The following RELN variants were observed in gnomAD, a reference collection of about 807,000 sequenced individuals.
RELN encodes the protein reelin.
In RELN, 108 loss-of-function variants were observed where a neutral mutation model predicts 427.6. The observed-to-expected ratio is 0.25, with a 90% confidence interval of 0.22 to 0.30. RELN has a LOEUF of 0.30. RELN is among the 10% of genes least tolerant of loss of function. The probability of loss-of-function intolerance (pLI) is 1.00; values close to 1 mark genes in which losing one functional copy is unlikely to be tolerated. For synonymous variants in RELN, 1,524 were observed against 1,513.4 expected (o/e 1.01, Z -0.16); for missense variants, 3,715 against 4,302.8 (o/e 0.86, Z 3.82).
rs544936325 is a variant in RELN at position 103,603,817 on chromosome 7, C to T, written c.3147-327G>A. Among the ~76,000 whole-genome samples, 206 of 152,106 alleles carry T rather than the reference C, an allele frequency of 1.4e-3. No individual in the cohort carries two copies. The highest frequency in any genetic ancestry group is 4.7e-3 in the African/African-American group (193 of 41,496). ...GAGGGATAGTGGGATTTCCCTATTG[C>T]CTTAAAAAATCACATATAAATGTCT... On this transcript the variant is annotated intron_variant, in intron 23 of 64. Transcript: ENST00000428762. The surrounding 1 kb of genome is among the most constrained non-coding windows in gnomAD (Gnocchi z 4.3).
chr7:103,812,751 T>C (rs1792774800), intron 3 of RELN, among the ~76,000 whole-genome samples: 1 of 152,238 alleles, frequency 6.6e-6, no homozygotes, highest in Non-Finnish European at 1.5e-5. Context: ...TATCTGATCC[T>C]CTATGCAGAA....
chr7:103,700,307 T>G (rs1437889404), intron 9 of RELN, among the ~76,000 whole-genome samples: 1 of 152,190 alleles, frequency 6.6e-6, no homozygotes, highest in Admixed American at 6.5e-5. Context: ...TCTAGCCAAA[T>G]CTTTTTAACA....
In RELN at chr7:103,753,234, A is replaced by G. The variant is rs1329902713; in HGVS notation, c.545-20T>C. On this transcript the variant is annotated intron_variant, in intron 4 of 64. Coordinates refer to ENST00000428762, the MANE Select transcript of RELN (RefSeq NM_005045.4). ...TTGGAGCTGAATCAAGAGAGGAAAGAAGAAAGACAACTGATCAGGAATGAA... is the reference window on the plus strand; with the variant it reads ...TTGGAGCTGAATCAAGAGAGGAAAGGAGAAAGACAACTGATCAGGAATGAA... The G allele has an allele frequency of 6.2e-7, 1 of 1,613,856 alleles. No individual in the cohort carries two copies.
At chr7:103,898,158 T>A (rs189900868) in intron 2 of RELN, among the ~76,000 whole-genome samples, 13 of 151,726 alleles carry the variant, frequency 8.6e-5, no homozygotes, top group Admixed American at 2.0e-4. Context: ...GGGTGTGTAG[T>A]TTTCTACAGT....
intron 11 of RELN, among the ~76,000 whole-genome samples, chr7:103,664,276 G>A (rs1049164173): frequency 2.0e-5 from 3 of 152,248 alleles, no homozygotes; most frequent in South Asian, 2.1e-4. Context: ...CTATATAAAA[G>A]GTCCTTGTGT....
chr7:103,882,644 C>G (rs1794634744), intron 2 of RELN, among the ~76,000 whole-genome samples: 1 of 151,934 alleles, frequency 6.6e-6, no homozygotes, highest in Non-Finnish European at 1.5e-5. Context: ...AAACTACCAT[C>G]AGAGAATACT....
chr7:103,725,624 A>C (rs1046367043), intron 7 of RELN, among the ~76,000 whole-genome samples: 9 of 152,192 alleles, frequency 5.9e-5, no homozygotes, highest in Non-Finnish European at 1.3e-4. Context: ...GGAGGGTAAC[A>C]TAACTCATTT....
At chr7:103,969,722 C>A (rs1395283659) in intron 1 of RELN, among the ~76,000 whole-genome samples, 1 of 152,202 alleles carries the variant, frequency 6.6e-6, no homozygotes, top group Non-Finnish European at 1.5e-5. Flanking sequence ...CAGGAAGTTT[C>A]TCCATGCATA....
Position 103,953,014 on chromosome 7 carries a change from C to T in RELN, c.227-35829G>A, listed in dbSNP as rs147885580. On this transcript the variant is annotated intron_variant, in intron 1 of 64. Transcript: ENST00000428762. The surrounding 1 kb of genome is among the most constrained non-coding windows in gnomAD (Gnocchi z 4.3). ...ATACTCCTCTATAATCTCATAGCCA[C>T]TACTGCATTCACCTCCCAATGTGCC... Among the ~76,000 whole-genome samples, 1,333 of 152,256 alleles carry T rather than the reference C, an allele frequency of 8.8e-3. 16 individuals are homozygous for T. Among genetic ancestry groups the T allele is most frequent in the African/African-American group, 0.031 (1,267 of 41,532 alleles).
At chr7:103,643,816 A>G (rs776617633) in intron 16 of RELN, among the ~76,000 whole-genome samples, 2 of 151,998 alleles carry the variant, frequency 1.3e-5, no homozygotes, top group African/African-American at 4.8e-5. Context: ...ATCATAGTAC[A>G]CAGTAGCCAC....
rs1438570375 is a variant in RELN, at chr7:103,968,639, A to C, written c.226+20492T>G. Reference sequence around the variant, plus strand: ...ATCTAACCATCTAGTAATTCTTTTCACTAAGCTATTTCTGCAACTTATTTG... The same window carrying C: ...ATCTAACCATCTAGTAATTCTTTTCCCTAAGCTATTTCTGCAACTTATTTG... On this transcript the variant is annotated intron_variant, in intron 1 of 64. Coordinates refer to ENST00000428762, the MANE Select transcript of RELN (RefSeq NM_005045.4). This position sits in a 1 kb window ranked among gnomAD's most constrained non-coding sequence, Gnocchi z 4.3. 3.9e-5 allele frequency among the ~76,000 whole-genome samples: 6 copies of C among 152,336 alleles called. 1 individual carries two copies. The East Asian group carries it at 1.2e-3, about 29-fold the overall frequency.
chr7:103,926,099 C>CTTTTTTTTTTTTTTTTTTTTT (rs55899563), intron 1 of RELN, among the ~76,000 whole-genome samples: 2 of 90,074 alleles, frequency 2.2e-5, no homozygotes, highest in African/African-American at 8.7e-5. Context: ...CCCACCCCGC[C>CTTTTTTTTTTTTTTTTTTTTT]TTTTTTTTTT....
At chr7:103,584,236 G>T (rs1054817083) in intron 28 of RELN, among the ~76,000 whole-genome samples, 5 of 152,150 alleles carry the variant, frequency 3.3e-5, no homozygotes, top group African/African-American at 1.2e-4. Context: ...TGAACGTAAT[G>T]GGCTAAATCC....
At chr7:103,976,671 C>G (rs1444647467) in intron 1 of RELN, among the ~76,000 whole-genome samples, 1 of 152,088 alleles carries the variant, frequency 6.6e-6, no homozygotes, top group African/African-American at 2.4e-5. Flanking sequence ...AGTGGAGATA[C>G]TGGGTGGGCA....
chr7:103,502,462 T>A (rs528595353), intron 52 of RELN, among the ~76,000 whole-genome samples: 1 of 152,234 alleles, frequency 6.6e-6, no homozygotes, highest in Non-Finnish European at 1.5e-5. Flanking sequence ...AATTAATATA[T>A]CCACAGACTT....
intron 10 of RELN, among the ~76,000 whole-genome samples, chr7:103,685,996 C>T (rs964913382): frequency 6.6e-6 from 1 of 152,140 alleles, no homozygotes; most frequent in African/African-American, 2.4e-5. Context: ...TTACATTTGC[C>T]TCTACCATTG....
At chr7:103,557,213 G>A in intron 37 of RELN, 54 bp from the exon 38 acceptor site, 2 of 1,423,054 alleles carry the variant, frequency 1.4e-6, no homozygotes, top group Admixed American at 1.7e-5. Flanking sequence ...ATGGGGAAAT[G>A]GTATGTTCTT....
rs150101743 is a variant in RELN at position 103,782,425 on chromosome 7, A to G, written c.474-5798T>C. On this transcript the variant is annotated intron_variant, in intron 3 of 64. Transcript: ENST00000428762. The stretch of plus-strand genomic sequence containing the variant: ...AACTTCTTTAATCACTCTAGGCAAC[A>G]GACTCCCTATCTGAGGATAGGGATA... 3.0e-3 allele frequency among the ~76,000 whole-genome samples: 463 copies of G among 152,300 alleles called. 1 individual carries two copies. The highest frequency in any genetic ancestry group is 0.01 in the Middle Eastern group (3 of 294).
At chr7:103,602,005 G>A (rs917471559) in intron 24 of RELN, among the ~76,000 whole-genome samples, 1 of 152,170 alleles carries the variant, frequency 6.6e-6, no homozygotes, top group African/African-American at 2.4e-5. Flanking sequence ...GACCTGCGAT[G>A]TCTGCCCACC....
Sources: gnomAD v4.1 joint callset for allele counts (sites outside exome capture counted in the v4.1 genomes callset) on GRCh38, gnomAD v4.1.1 for gene constraint, Gnocchi (gnomAD v3.1) non-coding constraint, MANE v1.5 for transcripts, NCBI Gene and HGNC (gene_info 2026-07-23, HGNC 2026-07-21) for gene names.